Variants in MYRIP observed in about 807,000 individuals in gnomAD.
MYRIP encodes the protein rab effector MyRIP.
In MYRIP, 49 loss-of-function variants were observed where a neutral mutation model predicts 98.0. The ratio of observed to expected loss-of-function variants is 0.50; its 90% CI spans 0.40 to 0.63. MYRIP has a LOEUF of 0.63. MYRIP is among the 30% of genes least tolerant of loss of function. The probability of loss-of-function intolerance (pLI) is 0.00; values close to 1 mark genes in which losing one functional copy is unlikely to be tolerated. For synonymous variants in MYRIP, 404 were observed against 409.5 expected (o/e 0.99, Z 0.16); for missense variants, 1,004 against 1,058.2 (o/e 0.95, Z 0.71).
At chr3:39,878,203 G>A (rs145492068) in intron 1 of MYRIP, among the ~76,000 whole-genome samples, 16 of 152,294 alleles carry the variant, frequency 1.1e-4, no homozygotes, top group South Asian at 4.1e-4. Context: ...TCGGAGAAGC[G>A]CAGTATTAGG....
intron 2 of MYRIP, among the ~76,000 whole-genome samples, chr3:39,958,145 C>G (rs1420940078): frequency 6.6e-6 from 1 of 152,176 alleles, no homozygotes; most frequent in East Asian, 1.9e-4. Context: ...TATCAAGCTA[C>G]CAATGACTTT....
intron 9 of MYRIP, among the ~76,000 whole-genome samples, chr3:40,185,813 T>C (rs889953064): frequency 2.6e-5 from 4 of 152,048 alleles, no homozygotes; most frequent in Non-Finnish European, 5.9e-5. Context: ...CTCCTTTGGA[T>C]TCCTCCCAGG....
At chr3:40,013,236 C>T (rs1025636192) in intron 2 of MYRIP, among the ~76,000 whole-genome samples, 3 of 152,184 alleles carry the variant, frequency 2.0e-5, no homozygotes, top group Non-Finnish European at 4.4e-5. Context: ...TTTTGCACTT[C>T]CATTATTACT....
intron 3 of MYRIP, among the ~76,000 whole-genome samples, chr3:40,051,451 T>C (rs1432906585): frequency 6.6e-6 from 1 of 152,198 alleles, no homozygotes; most frequent in Non-Finnish European, 1.5e-5. Flanking sequence ...CTACAGAATG[T>C]TGTAAACATA....
chr3:40,078,025 G>T (rs962309518), intron 3 of MYRIP, among the ~76,000 whole-genome samples: 1 of 152,252 alleles, frequency 6.6e-6, no homozygotes, highest in Non-Finnish European at 1.5e-5. Flanking sequence ...CCATGGAGAG[G>T]GTGGGAGGCT....
At chr3:39,995,946 A>G (rs1946340461) in intron 2 of MYRIP, among the ~76,000 whole-genome samples, 1 of 152,206 alleles carries the variant, frequency 6.6e-6, no homozygotes, top group Admixed American at 6.5e-5. Flanking sequence ...TTCATAAGTG[A>G]AGGAGAAATA....
chr3:39,813,175 G>T (rs1940759230), intron 1 of MYRIP, among the ~76,000 whole-genome samples: 1 of 152,180 alleles, frequency 6.6e-6, no homozygotes, highest in Admixed American at 6.5e-5. Flanking sequence ...GAGCCCTGTC[G>T]ATGCTGAACC....
chr3:40,210,153 A>G (rs1951884389), intron 11 of MYRIP, 60 bp downstream of exon 11: 1 of 1,571,170 alleles, frequency 6.4e-7, no homozygotes, highest in South Asian at 1.2e-5. Context: ...TGTTGGAGAA[A>G]GATCCTATAT....
At chr3:40,004,625 C>A (rs1575457460) in intron 2 of MYRIP, among the ~76,000 whole-genome samples, 2 of 152,140 alleles carry the variant, frequency 1.3e-5, no homozygotes, top group South Asian at 2.1e-4. Flanking sequence ...TTATCCCTCA[C>A]CCCAACTCCC....
chr3:40,157,826 G>A (rs1219211569), intron 4 of MYRIP, among the ~76,000 whole-genome samples: 1 of 150,716 alleles, frequency 6.6e-6, no homozygotes, highest in East Asian at 1.9e-4. Context: ...GTATTTCTGT[G>A]GGATCGGTGG....
intron 11 of MYRIP, among the ~76,000 whole-genome samples, chr3:40,224,574 A>C (rs1465152159): frequency 6.6e-6 from 1 of 152,200 alleles, no homozygotes; most frequent in South Asian, 2.1e-4. Flanking sequence ...CCAACATCAG[A>C]CAATACTAGG....
At chr3:40,186,528 G>T (rs1044099887) in intron 9 of MYRIP, among the ~76,000 whole-genome samples, 2 of 152,106 alleles carry the variant, frequency 1.3e-5, no homozygotes, top group African/African-American at 4.8e-5. Flanking sequence ...CACCTGCCTG[G>T]CAAGCAAAAG....
chr3:39,960,129 T>C (rs544408283), intron 2 of MYRIP, among the ~76,000 whole-genome samples: 1 of 152,242 alleles, frequency 6.6e-6, no homozygotes, highest in South Asian at 2.1e-4. Flanking sequence ...CAGTGACTTG[T>C]TCCTCCAGTC....
rs1212181206 is a variant in MYRIP at position 40,080,442 on chromosome 3, G to C, written c.332+36171G>C. On this transcript the variant is annotated intron_variant, in intron 3 of 16. Transcript: ENST00000302541. ...TACACTATCCCCATAAATTGAGTAA[G>C]GCGCTATGCCTTCTTTTCCTGTTTT... 2.0e-5 allele frequency among the ~76,000 whole-genome samples: 3 copies of C among 151,882 alleles called. No homozygotes were observed. The East Asian group carries it at 5.8e-4, about 29-fold the overall frequency.
chr3:39,999,953 A>C (rs1023744783), intron 2 of MYRIP, among the ~76,000 whole-genome samples: 3 of 148,640 alleles, frequency 2.0e-5, no homozygotes, highest in African/African-American at 7.4e-5. Flanking sequence ...GCATGTTCTC[A>C]CTCATAGGTG....
intron 1 of MYRIP, among the ~76,000 whole-genome samples, chr3:39,872,689 A>C (rs1350631987): frequency 1.3e-5 from 2 of 152,148 alleles, no homozygotes; most frequent in African/African-American, 4.8e-5. Flanking sequence ...ATGGCTGCAT[A>C]GTATTCCATG....
intron 2 of MYRIP, among the ~76,000 whole-genome samples, chr3:40,027,899 A>G (rs937590844): frequency 1.3e-5 from 2 of 152,024 alleles, no homozygotes; most frequent in Non-Finnish European, 2.9e-5. Flanking sequence ...CAGCTAAGTG[A>G]GTTTGGAAGT....
intron 11 of MYRIP, among the ~76,000 whole-genome samples, chr3:40,225,810 G>A (rs969856691): frequency 9.9e-5 from 15 of 152,132 alleles, no homozygotes; most frequent in Admixed American, 3.9e-4. Flanking sequence ...CATTCAGCAC[G>A]GGGAGAAGCC....
At chr3:40,060,120 C>T (rs1177479908) in intron 3 of MYRIP, among the ~76,000 whole-genome samples, 1 of 152,088 alleles carries the variant, frequency 6.6e-6, no homozygotes, top group African/African-American at 2.4e-5. Context: ...AAGCTGTCAA[C>T]TGCCAAACAT....
Sources: allele counts gnomAD v4.1 joint callset (sites outside exome capture counted in the v4.1 genomes callset), GRCh38; gene constraint gnomAD v4.1.1; transcripts MANE v1.5; gene names NCBI Gene and HGNC (gene_info 2026-07-23, HGNC 2026-07-21).